The following COL5A2 variants were observed in gnomAD, a reference collection of about 807,000 sequenced individuals.
COL5A2 encodes the protein collagen type V alpha 2 chain.
A neutral mutation model predicts 208.2 loss-of-function variants in COL5A2; 23 were observed. That is an observed-to-expected ratio of 0.11 (90% CI 0.08 to 0.16). The LOEUF (loss-of-function observed/expected upper bound fraction) is 0.16. Ranked by LOEUF, COL5A2 falls within the 10% of genes least tolerant of loss-of-function variation. COL5A2 has a pLI of 1.00. For synonymous variants in COL5A2, 625 were observed against 628.5 expected (o/e 0.99, Z 0.08); for missense variants, 1,590 against 1,956.4 (o/e 0.81, Z 3.53).
the COL5A2 span, among the ~76,000 whole-genome samples, chr2:189,374,516 C>T: frequency 3.3e-5 from 5 of 152,034 alleles, no homozygotes; most frequent in East Asian, 9.7e-4. Flanking sequence ...GCCACATTTA[C>T]AAAATGTGTG....
At chr2:189,200,157 C>A (rs1279771329) in intron 1 of COL5A2, among the ~76,000 whole-genome samples, 1 of 152,104 alleles carries the variant, frequency 6.6e-6, no homozygotes, top group Non-Finnish European at 1.5e-5. Flanking sequence ...GGTTCTGTAC[C>A]ATCTTTTTGG....
intron 52 of COL5A2, among the ~76,000 whole-genome samples, chr2:189,035,724 G>A (rs1169810585): frequency 6.6e-6 from 1 of 151,664 alleles, no homozygotes; most frequent in African/African-American, 2.4e-5. Context: ...TTAAAATTTT[G>A]TGCTCATTAA....
At chr2:189,272,274 A>G in the COL5A2 span, among the ~76,000 whole-genome samples, 3 of 152,218 alleles carry the variant, frequency 2.0e-5, no homozygotes, top group African/African-American at 4.8e-5. Context: ...ATACCCATCA[A>G]TGATAGACTG....
Position 189,032,899 on chromosome 2 carries a change from T to A in COL5A2, c.*1171A>T, listed in dbSNP as rs1685364549. 6.6e-6 allele frequency: 1 copy of A among 152,586 alleles called. No homozygotes were observed. The highest frequency in any genetic ancestry group is 2.1e-4 in the South Asian group (1 of 4,834). The allele number at this position is 152,586 out of a possible 1,614,324, so 9.5% of individuals were successfully genotyped here. On this transcript the variant is annotated 3_prime_UTR_variant, in exon 54 of 54. Coordinates refer to ENST00000374866, the MANE Select transcript of COL5A2 (RefSeq NM_000393.5). ...AGCACCATCATTAAAGGAAAAATAATAATACCTTTTTAGCCCTGCCTATCT... is the reference window on the plus strand; with the variant it reads ...AGCACCATCATTAAAGGAAAAATAAAAATACCTTTTTAGCCCTGCCTATCT...
chr2:189,109,486 G>T (rs951704033), intron 2 of COL5A2, among the ~76,000 whole-genome samples: 11 of 151,652 alleles, frequency 7.3e-5, no homozygotes, highest in African/African-American at 2.7e-4. Flanking sequence ...CCTTGATATT[G>T]TCTTGACAAT....
the COL5A2 span, among the ~76,000 whole-genome samples, chr2:189,257,144 T>C: frequency 1.3e-5 from 2 of 152,220 alleles, no homozygotes; most frequent in Non-Finnish European, 2.9e-5. Flanking sequence ...TAGACATTGC[T>C]CAGTTGTCCT....
At chr2:189,254,855 C>T in the COL5A2 span, among the ~76,000 whole-genome samples, 2 of 152,186 alleles carry the variant, frequency 1.3e-5, no homozygotes, top group Admixed American at 1.3e-4. Context: ...AGGAACAAAA[C>T]TCCTATCATT....
intron 3 of COL5A2, 47 bp downstream of exon 3, chr2:189,104,217 G>A: frequency 7.3e-7 from 1 of 1,372,052 alleles, no homozygotes; most frequent in Non-Finnish European, 1.0e-6. Context: ...GATAGTATTG[G>A]ATATAAGTCT....
the COL5A2 span, among the ~76,000 whole-genome samples, chr2:189,231,599 T>C: frequency 6.8e-4 from 103 of 151,786 alleles, no homozygotes; most frequent in African/African-American, 2.4e-3. Context: ...CCCCCCAGCT[T>C]GAGTATCTTT....
intron 1 of COL5A2, among the ~76,000 whole-genome samples, chr2:189,137,010 T>A (rs544745324): frequency 6.6e-6 from 1 of 152,284 alleles, no homozygotes; most frequent in South Asian, 2.1e-4. Context: ...AAATGCTGAA[T>A]CTAAATTCCA....
chr2:189,262,332 T>C, the COL5A2 span, among the ~76,000 whole-genome samples: 2 of 151,876 alleles, frequency 1.3e-5, no homozygotes, highest in Non-Finnish European at 2.9e-5. Flanking sequence ...CCTTCCATTA[T>C]AAACAAACAC....
upstream of COL5A2, among the ~76,000 whole-genome samples, chr2:189,225,365 A>G (rs894928397): frequency 3.3e-5 from 5 of 152,186 alleles, no homozygotes; most frequent in Admixed American, 6.5e-5. Flanking sequence ...AAATATTCAT[A>G]TCAAACTGAC....
the COL5A2 span, among the ~76,000 whole-genome samples, chr2:189,367,584 C>T: frequency 6.6e-6 from 1 of 152,178 alleles, no homozygotes; most frequent in Admixed American, 6.5e-5. Context: ...GTGGATAGGA[C>T]AGAATCCAGA....
At chr2:189,251,880 C>A in the COL5A2 span, among the ~76,000 whole-genome samples, 2 of 152,034 alleles carry the variant, frequency 1.3e-5, no homozygotes, top group African/African-American at 4.8e-5. Context: ...GGAGTAATAT[C>A]CAGAATCTAC....
At chr2:189,092,569 T>C (rs1056606685) in intron 6 of COL5A2, 149 bp from the exon 7 acceptor site, 16 of 688,002 alleles carry the variant, frequency 2.3e-5, no homozygotes, top group Non-Finnish European at 3.7e-5. Context: ...TCATCAGCCA[T>C]GTCACTACTG....
intron 44 of COL5A2, 38 bp downstream of exon 44, chr2:189,049,309 G>C (rs376548939): frequency 4.3e-6 from 6 of 1,398,364 alleles, no homozygotes; most frequent in African/African-American, 1.4e-5. Context: ...CATGACACCA[G>C]ATAACAAGAG....
At chr2:189,042,317 T>C (rs1685578315) in intron 49 of COL5A2, among the ~76,000 whole-genome samples, 1 of 152,200 alleles carries the variant, frequency 6.6e-6, no homozygotes, top group Non-Finnish European at 1.5e-5. Context: ...TAGCTTTATG[T>C]AAACTACTTC....
the COL5A2 span, among the ~76,000 whole-genome samples, chr2:189,316,079 A>G: frequency 6.6e-6 from 1 of 152,194 alleles, no homozygotes; most frequent in African/African-American, 2.4e-5. Flanking sequence ...AAAGACAGAA[A>G]TACCATTCAA....
intron 52 of COL5A2, among the ~76,000 whole-genome samples, chr2:189,035,464 T>C (rs1444462074): frequency 6.6e-6 from 1 of 152,076 alleles, no homozygotes; most frequent in African/African-American, 2.4e-5. Flanking sequence ...TAACTCATTT[T>C]TATTGCTAAT....
Sources: allele counts gnomAD v4.1 joint callset (sites outside exome capture counted in the v4.1 genomes callset), GRCh38; gene constraint gnomAD v4.1.1; transcripts MANE v1.5; gene names NCBI Gene and HGNC (gene_info 2026-07-23, HGNC 2026-07-21).